Variants in DYM observed in about 807,000 individuals in gnomAD.
DYM encodes the protein dymeclin.
A neutral mutation model predicts 93.1 loss-of-function variants in DYM; 78 were observed. The observed-to-expected ratio is 0.84, with a 90% CI of 0.70 to 1.01. DYM has a LOEUF of 1.01. Ranked by LOEUF, DYM falls within the 50% of genes least tolerant of loss-of-function variation. DYM has a pLI of 0.00. For missense variants in DYM, 789 were observed against 845.0 expected (o/e 0.93, Z 0.82); for synonymous variants, 321 against 319.7 (o/e 1.00, Z -0.04).
intron 5 of DYM, among the ~76,000 whole-genome samples, chr18:49,365,714 G>C (rs1027114063): frequency 8.5e-5 from 13 of 152,296 alleles, no homozygotes; most frequent in Admixed American, 3.9e-4. Context: ...TAACATCCCT[G>C]TTCAGCCAAG....
intron 8 of DYM, chr18:49,321,430 A>G (rs1472335026): frequency 2.5e-5 from 10 of 397,978 alleles, no homozygotes; most frequent in African/African-American, 6.2e-5. Context: ...CCCAAAGCCA[A>G]TCCTGGGAAC....
At chr18:49,426,766 TG>T (rs2074336991) in intron 2 of DYM, among the ~76,000 whole-genome samples, 1 of 41,166 alleles carries the variant, frequency 2.4e-5, no homozygotes, top group Non-Finnish European at 8.2e-5. Flanking sequence ...TGTGTGTGTG[TG>T]TGTGTGTGTG....
chr18:49,123,363 C>T (rs1039398467), intron 15 of DYM, among the ~76,000 whole-genome samples: 27 of 152,058 alleles, frequency 1.8e-4, no homozygotes, highest in African/African-American at 1.4e-4. Context: ...CAGTACTGGC[C>T]GGGTTTATCA....
At chr18:49,342,671 C>T (rs146532236) in intron 6 of DYM, among the ~76,000 whole-genome samples, 126 of 152,192 alleles carry the variant, frequency 8.3e-4, no homozygotes, top group Non-Finnish European at 1.7e-3. Flanking sequence ...AACAATGGAC[C>T]ACATATATGA....
intron 13 of DYM, among the ~76,000 whole-genome samples, chr18:49,251,000 T>C (rs182013526): frequency 1.1e-4 from 16 of 152,320 alleles, no homozygotes; most frequent in East Asian, 3.9e-4. Flanking sequence ...GTAGTGTGCA[T>C]TGTAGAATGT....
rs190969283 is a variant in DYM at position 49,095,228 on chromosome 18, C to T, written c.2025+2174G>A. Among the ~76,000 whole-genome samples, 659 of 152,192 alleles carry T rather than the reference C, an allele frequency of 4.3e-3. 2 individuals carry two copies. The highest frequency in any genetic ancestry group is 0.015 in the African/African-American group (619 of 41,514). On this transcript the variant is annotated intron_variant, in intron 17 of 17. Coordinates refer to ENST00000675505, the MANE Select transcript of DYM (RefSeq NM_001353214.3). ...ATACCGTGGTATTCTGTGAATTAAA[C>T]TCTAGAGATTTTAAGTGACTCATTT...
chr18:49,362,779 G>T (rs1401442186), intron 6 of DYM, among the ~76,000 whole-genome samples: 1 of 152,160 alleles, frequency 6.6e-6, no homozygotes, highest in Non-Finnish European at 1.5e-5. Flanking sequence ...AAAGAGGCTG[G>T]AAATACAATC....
intron 16 of DYM, chr18:49,116,120 C>G (rs2081902606): frequency 6.6e-6 from 1 of 152,236 alleles, no homozygotes; most frequent in Non-Finnish European, 1.5e-5. Context: ...AGAATTCTCT[C>G]ATTCGGAGAA....
rs75882943 is a variant in DYM at position 49,360,154 on chromosome 18, T to C, written c.494+3007A>G. ...ACAATCGGCTTGCTCCTCAAGAGTG[T>C]TTAAATGGCTGCTCTATTCATTGTG... is the stretch of plus-strand genomic sequence containing the variant. On this transcript the variant is annotated intron_variant, in intron 6 of 17. Transcript: ENST00000675505. Among the ~76,000 whole-genome samples, 882 of 152,198 alleles carry C rather than the reference T, an allele frequency of 5.8e-3. 7 individuals are homozygous for C. The highest frequency in any genetic ancestry group is 0.02 in the African/African-American group (837 of 41,516).
At chr18:49,276,597 T>C (rs550696255) in intron 10 of DYM, among the ~76,000 whole-genome samples, 1 of 152,196 alleles carries the variant, frequency 6.6e-6, no homozygotes, top group South Asian at 2.1e-4. Context: ...ATAGGTCAGA[T>C]TGAGAGACAT....
intron 15 of DYM, among the ~76,000 whole-genome samples, chr18:49,143,759 C>T (rs948846754): frequency 2.0e-5 from 3 of 151,996 alleles, no homozygotes; most frequent in Admixed American, 6.6e-5. Context: ...CTTTCTTTAT[C>T]GAGAAATTTC....
intron 6 of DYM, among the ~76,000 whole-genome samples, chr18:49,349,969 G>C (rs2064965179): frequency 6.6e-6 from 1 of 151,920 alleles, no homozygotes; most frequent in African/African-American, 2.4e-5. Flanking sequence ...ATTTAAAAAA[G>C]GATCACAGTA....
At chr18:49,141,076 G>A (rs1263454946) in intron 15 of DYM, among the ~76,000 whole-genome samples, 2 of 152,162 alleles carry the variant, frequency 1.3e-5, no homozygotes, top group African/African-American at 2.4e-5. Flanking sequence ...CCCAGCTTCT[G>A]AAGGTTGGAG....
chr18:49,240,979 G>A (rs960969511), intron 13 of DYM, among the ~76,000 whole-genome samples: 1 of 152,152 alleles, frequency 6.6e-6, no homozygotes, highest in African/African-American at 2.4e-5. Context: ...AAAATATAGT[G>A]AGTACTAGTA....
chr18:49,227,416 G>T (rs1031245540), intron 13 of DYM, among the ~76,000 whole-genome samples: 2 of 152,124 alleles, frequency 1.3e-5, no homozygotes, highest in Non-Finnish European at 2.9e-5. Flanking sequence ...CTACATAACG[G>T]TAAGAGTTTA....
At chr18:49,278,093 A>T (rs980582832) in intron 10 of DYM, among the ~76,000 whole-genome samples, 3 of 152,188 alleles carry the variant, frequency 2.0e-5, no homozygotes, top group East Asian at 1.9e-4. Flanking sequence ...CTAAAAAAAA[A>T]TTTTCCTTTT....
intron 5 of DYM, among the ~76,000 whole-genome samples, chr18:49,364,270 C>A (rs1414548684): frequency 6.6e-6 from 1 of 152,126 alleles, no homozygotes; most frequent in East Asian, 1.9e-4. Flanking sequence ...CATGGTGAAA[C>A]CCCACCTCTA....
chr18:49,287,750 CAGG>C (rs1568176170), intron 8 of DYM, among the ~76,000 whole-genome samples: 1 of 143,978 alleles, frequency 6.9e-6, no homozygotes, highest in Non-Finnish European at 1.5e-5. Context: ...GAGGCTGAGG[CAGG>C]AGAATTGCTT....
rs59640889 is a variant in DYM, at chr18:49,324,138, C to CAAAAAAAAAAAAA, written c.763+7713_763+7725dup. 2.6e-4 allele frequency among the ~76,000 whole-genome samples: 14 copies of CAAAAAAAAAAAAA among 54,442 alleles called. 1 individual carries two copies. The highest frequency in any genetic ancestry group is 4.2e-4 in the Non-Finnish European group (13 of 31,184). The allele number at this position is 54,442 out of a possible 152,430, so 35.7% of individuals were successfully genotyped here. A position where few individuals can be genotyped will look rare whatever the true frequency, so the allele number is the denominator to read the frequency against. ...TGACAGAGCCAGATAGGCTCTGTCT[C>CAAAAAAAAAAAAA]AAAAAAAAAAAAAAAAAAAAAAAAA... On this transcript the variant is annotated intron_variant, in intron 8 of 17. Transcript: ENST00000675505.
Sources: allele counts gnomAD v4.1 joint callset (sites outside exome capture counted in the v4.1 genomes callset), GRCh38; gene constraint gnomAD v4.1.1; transcripts MANE v1.5; gene names NCBI Gene and HGNC (gene_info 2026-07-23, HGNC 2026-07-21).